The following LIMS2 variants were observed in gnomAD, a reference collection of about 807,000 sequenced individuals.
LIMS2 encodes LIM zinc finger domain containing 2.
A neutral mutation model predicts 45.3 loss-of-function variants in LIMS2; 30 were observed. The ratio of observed to expected loss-of-function variants is 0.66; its 90% CI spans 0.50 to 0.90. The LOEUF (loss-of-function observed/expected upper bound fraction) is 0.90. LIMS2 is among the 40% of genes least tolerant of loss of function. The pLI, the probability that LIMS2 is intolerant of heterozygous loss-of-function variation, is 0.00. For synonymous variants in LIMS2, 173 were observed against 188.0 expected (o/e 0.92, Z 0.65); for missense variants, 485 against 468.7 (o/e 1.03, Z -0.32).
rs116911376 is a variant in LIMS2, at chr2:127,660,461, G to A, written c.12-2899C>T. Among the ~76,000 whole-genome samples the A allele has an allele frequency of 1.1e-3, 173 of 152,284 alleles. 2 individuals carry two copies. In the East Asian group the frequency reaches 0.031, roughly 27 times the overall value. On this transcript the variant is annotated intron_variant, in intron 1 of 9. Transcript: ENST00000355119. ...CTGCAGTTTCAATCCTGAAGCCAGCGAGACCATGAACCGACGGGGAGGAAT... is the reference window on the plus strand; with the variant it reads ...CTGCAGTTTCAATCCTGAAGCCAGCAAGACCATGAACCGACGGGGAGGAAT...
intron 1 of LIMS2, among the ~76,000 whole-genome samples, chr2:127,660,893 C>T (rs1304080361): frequency 7.3e-6 from 1 of 136,828 alleles, no homozygotes; most frequent in East Asian, 2.1e-4. Context: ...TGCCTGTGGC[C>T]GACAGTATCG....
intron 1 of LIMS2, chr2:127,681,234 A>G (rs1685606168): frequency 6.6e-6 from 1 of 152,474 alleles, no homozygotes; most frequent in African/African-American, 2.4e-5. Context: ...ACAACCACTC[A>G]GAGTACAGGG....
chr2:127,650,678 C>T lies in LIMS2; in HGVS notation c.359+3746G>A, dbSNP rs200149080. ...TCAGAGAGCGTGAAGCTGCCTAGAT[C>T]GCAAGCTCATTGTGAACTGTTTGCT... is the stretch of plus-strand genomic sequence containing the variant. On this transcript the variant is annotated intron_variant, in intron 4 of 9. Coordinates refer to ENST00000355119, the MANE Select transcript of LIMS2 (RefSeq NM_001161403.3). 8.7e-4 allele frequency: 1,249 copies of T among 1,436,600 alleles called. 11 individuals carry two copies. Among genetic ancestry groups the T allele is most frequent in the Middle Eastern group, 7.2e-4 (4 of 5,562 alleles). The allele number at this position is 1,436,600 out of a possible 1,614,324, so 89.0% of individuals were successfully genotyped here.
chr2:127,639,368 C>A lies in LIMS2; in HGVS notation c.939G>T (p.Pro313=), dbSNP rs773583305. 3 of 1,613,858 alleles carry A rather than the reference C, an allele frequency of 1.9e-6. No homozygotes were observed. Among genetic ancestry groups the A allele is most frequent in the Non-Finnish European group, 2.5e-6 (3 of 1,179,944 alleles). Residue 313 remains proline (P), a synonymous_variant, in exon 10 of 10, where the codon CCG becomes CCT. Coordinates refer to ENST00000355119, the MANE Select transcript of LIMS2 (RefSeq NM_001161403.3). ...TCTTCAGCCGCTTCTTCAGCTCCAG[C>A]GGGAACTTCTCGTAGCACCTCTTAC... ...PVCKRCYEKF[P]LELKKRLKKL...
chr2:127,675,054 C>G lies in LIMS2; in HGVS notation c.-30G>C. 1 of 1,025,592 alleles carries G rather than the reference C, an allele frequency of 9.8e-7. No homozygotes were observed. 63.5% of individuals were successfully genotyped at this position (1,025,592 alleles called of 1,614,324 possible). A position where few individuals can be genotyped will look rare whatever the true frequency, so the allele number is the denominator to read the frequency against. ...GCAGCGACGCCGAGCCCTGGGTTGC[C>G]GGGGTTGCCGCGGGTCTCCCTCTGC... On this transcript the variant is annotated 5_prime_UTR_variant, in exon 1 of 10. Coordinates refer to ENST00000355119, the MANE Select transcript of LIMS2 (RefSeq NM_001161403.3).
intron 1 of LIMS2, among the ~76,000 whole-genome samples, chr2:127,663,853 A>C (rs1170358464): frequency 2.0e-5 from 3 of 151,952 alleles, no homozygotes; most frequent in African/African-American, 7.3e-5. Flanking sequence ...CAACCTCCCC[A>C]TCCAGAGCCA....
chr2:127,654,609 A>G (rs1324798024), intron 3 of LIMS2, 65 bp from the exon 4 acceptor site: 1 of 1,607,342 alleles, frequency 6.2e-7, no homozygotes, highest in African/African-American at 1.3e-5. Context: ...GACCCTCCCA[A>G]GCCCTGTCCA....
chr2:127,646,609 C>A, intron 4 of LIMS2: 1 of 152,906 alleles, frequency 6.5e-6, no homozygotes, highest in Non-Finnish European at 1.5e-5. Flanking sequence ...CACCACCTGG[C>A]CATGGCGCTG....
At chr2:127,652,983 T>A (rs745972543) in intron 4 of LIMS2, among the ~76,000 whole-genome samples, 42 of 152,156 alleles carry the variant, frequency 2.8e-4, no homozygotes, top group Admixed American at 2.4e-3. Flanking sequence ...AGGAAGGAGA[T>A]TGGGCTCGCT....
chr2:127,664,379 G>T lies in LIMS2; in HGVS notation c.12-6817C>A. 1.7e-6 allele frequency: 2 copies of T among 1,210,868 alleles called. No individual in the cohort carries two copies. Among genetic ancestry groups the T allele is most frequent in the South Asian group, 4.1e-5 (1 of 24,180 alleles). The allele number at this position is 1,210,868 out of a possible 1,614,324, so 75.0% of individuals were successfully genotyped here. A position where few individuals can be genotyped will look rare whatever the true frequency, so the allele number is the denominator to read the frequency against. On this transcript the variant is annotated intron_variant, in intron 1 of 9. Transcript: ENST00000355119. This position sits in a 1 kb window ranked among gnomAD's most constrained non-coding sequence, Gnocchi z 5.5. ...CCCGACGCGGCCAGCGCACCCAGCC[G>T]GGCCGCCATGGCGCGGGGCAGCCGC...
In LIMS2 at chr2:127,639,097, G is replaced by T. The variant is rs1371931359; in HGVS notation, c.*184C>A. ...CTGCCTCCTCACAGACAGAAGCCAC[G>T]GCCAAGGAGAGGAGAGACATGGGGA... On this transcript the variant is annotated 3_prime_UTR_variant, in exon 10 of 10. Coordinates refer to ENST00000355119, the MANE Select transcript of LIMS2 (RefSeq NM_001161403.3). 4.6e-6 allele frequency: 3 copies of T among 651,700 alleles called. No homozygotes were observed. The highest frequency in any genetic ancestry group is 3.1e-5 in the Admixed American group (1 of 32,338). 40.4% of individuals were successfully genotyped at this position (651,700 alleles called of 1,614,324 possible).
intron 6 of LIMS2, 55 bp from the exon 7 acceptor site, chr2:127,641,043 G>A: frequency 6.8e-7 from 1 of 1,464,520 alleles, no homozygotes; most frequent in Non-Finnish European, 9.5e-7. Context: ...GTGACCCCGA[G>A]GGACAGTGGT....
chr2:127,660,540 CAG>C (rs1181072328), intron 1 of LIMS2, among the ~76,000 whole-genome samples: 7 of 152,164 alleles, frequency 4.6e-5, no homozygotes, highest in African/African-American at 9.7e-5. Context: ...CTGTAACACT[CAG>C]TGGGAGGGTC....
rs55976826 is a variant in LIMS2, at chr2:127,672,907, C to T, written c.11+2107G>A. ...TGGCTCTGGGCAGCATGGGGGATCC[C>T]GAGAGAACCAGGATCCAGGCACGAG... On this transcript the variant is annotated intron_variant, in intron 1 of 9. Coordinates refer to ENST00000355119, the MANE Select transcript of LIMS2 (RefSeq NM_001161403.3). This position sits in a 1 kb window ranked among gnomAD's most constrained non-coding sequence, Gnocchi z 4.9. Among the ~76,000 whole-genome samples the T allele has an allele frequency of 0.024, 3,689 of 152,286 alleles. 60 individuals are homozygous for T. The highest frequency in any genetic ancestry group is 0.092 in the Middle Eastern group (27 of 294).
At chr2:127,678,750 C>T (rs1685554034), upstream of LIMS2, among the ~76,000 whole-genome samples, 1 of 151,992 alleles carries the variant, frequency 6.6e-6, no homozygotes, top group Non-Finnish European at 1.5e-5. The surrounding 1 kb of genome is among the most constrained non-coding windows in gnomAD (Gnocchi z 5.3). Flanking sequence ...CCTTGCTTTC[C>T]TAGATATTGG....
Position 127,675,129 on chromosome 2 carries a change from A to T in LIMS2, c.-105T>A. 1.1e-6 allele frequency: 1 copy of T among 945,282 alleles called. No homozygotes were observed. The highest frequency in any genetic ancestry group is 1.3e-6 in the Non-Finnish European group (1 of 781,118). 58.6% of individuals were successfully genotyped at this position (945,282 alleles called of 1,614,324 possible). ...CGCCCGCCAGCCCGGGCCGCGGAGC[A>T]GGGAGACGCCCAAAAAAGGCCAAGA... On this transcript the variant is annotated 5_prime_UTR_variant, in exon 1 of 10. Coordinates refer to ENST00000355119, the MANE Select transcript of LIMS2 (RefSeq NM_001161403.3).
At chr2:127,661,468 G>A (rs796522566) in intron 1 of LIMS2, among the ~76,000 whole-genome samples, 1 of 152,222 alleles carries the variant, frequency 6.6e-6, no homozygotes, top group Admixed American at 6.5e-5. Context: ...CGGTCCCTGC[G>A]AGAGGTCAGA....
chr2:127,648,269 C>CG, intron 4 of LIMS2: 2 of 884,500 alleles, frequency 2.3e-6, no homozygotes, highest in Non-Finnish European at 2.7e-6. Flanking sequence ...ACTCTGAAGC[C>CG]GGGGGCAATC....
At chr2:127,641,863 G>A in intron 6 of LIMS2, 186 bp downstream of exon 6, 1 of 606,912 alleles carries the variant, frequency 1.6e-6, no homozygotes. Flanking sequence ...GGGTCTCCTG[G>A]CTCCCGTGGG....
Sources: gnomAD v4.1 joint callset for allele counts (sites outside exome capture counted in the v4.1 genomes callset) on GRCh38, gnomAD v4.1.1 for gene constraint, Gnocchi (gnomAD v3.1) non-coding constraint, MANE v1.5 for transcripts, NCBI Gene and HGNC (gene_info 2026-07-23, HGNC 2026-07-21) for gene names.